Variants in RAB11FIP5 observed in about 807,000 individuals in gnomAD.
The protein encoded by RAB11FIP5 is rab11 family-interacting protein 5.
A neutral mutation model predicts 85.1 loss-of-function variants in RAB11FIP5; 48 were observed. That is an observed-to-expected ratio of 0.56 (90% CI 0.45 to 0.72). The LOEUF is 0.72. Among genes scored for constraint, RAB11FIP5 ranks in the 30% least tolerant of loss-of-function variants. RAB11FIP5 has a pLI of 0.00. For synonymous variants in RAB11FIP5, 729 were observed against 727.3 expected, an observed-to-expected ratio of 1.00 and a Z score of -0.04; for missense variants, 1,491 against 1,687.0, an observed-to-expected ratio of 0.88 and a Z score of 2.04.
Position 73,083,291 on chromosome 2 carries a change from C to T in RAB11FIP5, c.1569-1628G>A, listed in dbSNP as rs553647164. ...ACAGAGGTGGACTGAGGCAGGTCAG[C>T]TCGGCAGCTACCACCAGGGGCGGAC... On this transcript the variant is annotated intron_variant, in intron 3 of 5. Coordinates refer to ENST00000486777, the MANE Select transcript of RAB11FIP5 (RefSeq NM_001371272.1). Among the ~76,000 whole-genome samples the T allele has an allele frequency of 3.3e-5, 5 of 152,136 alleles. No individual in the cohort carries two copies. The South Asian group carries it at 1.0e-3, about 31-fold the overall frequency.
rs959507890 is a variant in RAB11FIP5, at chr2:73,075,049, C to T, written c.*472G>A. ...CCGTAACTCACAGACAAACAGGCAGCGTGGTCATTGTCCCAGTAATACTAG... is the reference window on the plus strand; with the variant it reads ...CCGTAACTCACAGACAAACAGGCAGTGTGGTCATTGTCCCAGTAATACTAG... On this transcript the variant is annotated 3_prime_UTR_variant, in exon 6 of 6. Coordinates refer to ENST00000486777, the MANE Select transcript of RAB11FIP5 (RefSeq NM_001371272.1). The surrounding 1 kb of genome is among the most constrained non-coding windows in gnomAD (Gnocchi z 4.6). The T allele has an allele frequency of 4.7e-5, 17 of 360,924 alleles. No homozygotes were observed. The highest frequency in any genetic ancestry group is 8.7e-5 in the Non-Finnish European group (16 of 183,190). 22.4% of individuals were successfully genotyped at this position (360,924 alleles called of 1,614,324 possible).
In RAB11FIP5 at chr2:73,081,628, G is replaced by T. The variant is rs1683987105; in HGVS notation, c.1604C>A (p.Ala535Asp). 1.5e-5 allele frequency: 18 copies of T among 1,229,364 alleles called. No individual in the cohort carries two copies. The highest frequency in any genetic ancestry group is 1.8e-5 in the Non-Finnish European group (18 of 985,286). 76.2% of individuals were successfully genotyped at this position (1,229,364 alleles called of 1,614,324 possible). A position where few individuals can be genotyped will look rare whatever the true frequency, so the allele number is the denominator to read the frequency against. The part of the protein sequence containing the change: ...DVSPQVESDP[A>D]ALPHHLPCSP... The stretch of plus-strand genomic sequence containing the variant: ...GCAGGGGAGGTGGTGAGGAAGAGCA[G>T]CTGGGTCAGATTCTACCTGAGGAGA... Residue 535 changes from alanine (A) to aspartate (D), a missense_variant, in exon 4 of 6, where the codon GCT (alanine) becomes GAT (aspartate). Physicochemically the swap from Ala to Asp is moderately radical, Grantham distance 126 (BLOSUM62 -2). This residue lies in a region of RAB11FIP5 where 1,211 missense variants were observed against 1,338.0 expected (regional missense o/e 0.91). Transcript: ENST00000486777. This position sits in a 1 kb window ranked among gnomAD's most constrained non-coding sequence, Gnocchi z 4.2.
chr2:73,112,763 C>A lies in RAB11FIP5; in HGVS notation c.15G>T (p.Arg5=). 3 of 1,464,394 alleles carry A rather than the reference C, an allele frequency of 2.0e-6. No individual in the cohort carries two copies. The highest frequency in any genetic ancestry group is 2.7e-5 in the East Asian group (1 of 36,940). The allele number at this position is 1,464,394 out of a possible 1,614,324, so 90.7% of individuals were successfully genotyped here. A position where few individuals can be genotyped will look rare whatever the true frequency, so the allele number is the denominator to read the frequency against. Residue 5 remains arginine (R), a synonymous_variant, in exon 1 of 6, where the codon CGG becomes CGT. Coordinates refer to ENST00000486777, the MANE Select transcript of RAB11FIP5 (RefSeq NM_001371272.1). Reference sequence around the variant, plus strand: ...AAGGCCCCGCCGCCGGCTCCGCGCCCCGCACCAGGGCCATGGCGGAGAAGC... The same window carrying A: ...AAGGCCCCGCCGCCGGCTCCGCGCCACGCACCAGGGCCATGGCGGAGAAGC... MALV[R]GAEPAAGPSR... is the part of the protein sequence containing the mutation.
rs961755536 is a variant in RAB11FIP5 at position 73,098,692 on chromosome 2, C to T, written c.432-9377G>A. Among the ~76,000 whole-genome samples, 3 of 152,252 alleles carry T rather than the reference C, an allele frequency of 2.0e-5. No individual in the cohort carries two copies. In the South Asian group the frequency reaches 6.2e-4, roughly 32 times the overall value. On this transcript the variant is annotated intron_variant, in intron 1 of 5. Coordinates refer to ENST00000486777, the MANE Select transcript of RAB11FIP5 (RefSeq NM_001371272.1). Reference sequence around the variant, plus strand: ...GCATCCAGGAACCCCCATGTCTCTGCCCAACCAAGGAATCCAGAATAAAGT... The same window carrying T: ...GCATCCAGGAACCCCCATGTCTCTGTCCAACCAAGGAATCCAGAATAAAGT...
chr2:73,098,851 G>A (rs913198401), intron 1 of RAB11FIP5, among the ~76,000 whole-genome samples: 2 of 152,122 alleles, frequency 1.3e-5, no homozygotes, highest in African/African-American at 4.8e-5. Context: ...TACAGAAGTA[G>A]TACCTATACG....
chr2:73,082,790 T>C (rs1397288600), intron 3 of RAB11FIP5, among the ~76,000 whole-genome samples: 2 of 152,196 alleles, frequency 1.3e-5, no homozygotes, highest in African/African-American at 4.8e-5. Flanking sequence ...CACTGGTGCT[T>C]ATCCACAGAG....
chr2:73,085,251 G>C (rs1684069617), intron 3 of RAB11FIP5, among the ~76,000 whole-genome samples: 2 of 152,160 alleles, frequency 1.3e-5, no homozygotes, highest in African/African-American at 4.8e-5. Context: ...GGTGCAGGGA[G>C]GCACTGCAGA....
At chr2:73,076,977 G>A (rs1683876067) in intron 4 of RAB11FIP5, among the ~76,000 whole-genome samples, 2 of 152,098 alleles carry the variant, frequency 1.3e-5, no homozygotes, top group African/African-American at 4.8e-5. Context: ...CTTCCTTTGG[G>A]CTGCTTGCCT....
At position 73,088,370 on chromosome 2, in the gene RAB11FIP5, C is replaced by T. The variant is rs771598578; in HGVS notation, c.1248G>A (p.Gly416=). 6.2e-7 allele frequency: 1 copy of T among 1,613,812 alleles called. No homozygotes were observed. The highest frequency in any genetic ancestry group is 2.2e-5 in the East Asian group (1 of 44,862). Residue 416 remains glycine, a synonymous_variant, in exon 3 of 6, where the codon GGG becomes GGA. Coordinates refer to ENST00000486777, the MANE Select transcript of RAB11FIP5 (RefSeq NM_001371272.1). ...LSAQAKVLAP[G]ASHPGEEEGA... is the part of the protein sequence containing the mutation. ...CCTCCTCCTCTCCAGGGTGGCTGGC[C>T]CCAGGGGCCAGGACTTTAGCCTGAG...
At position 73,080,502 on chromosome 2, in the gene RAB11FIP5, G is replaced by A; in HGVS notation, c.2730C>T (p.Pro910=). The change falls in exon 4 of 6, where the codon CCC becomes CCT. Residue 910 remains proline, a synonymous_variant. Transcript: ENST00000486777. ...CCTCCTCCTCCTCCTGGGATCTTGA[G>A]GGTGTGAAGAGGCGCGGTGGCTTGG... The part of the protein sequence containing the change: ...PPPKPPRLFT[P]SRSQEEEEEK... The A allele has an allele frequency of 1.6e-6, 2 of 1,233,196 alleles. No individual in the cohort carries two copies. Among genetic ancestry groups the A allele is most frequent in the Non-Finnish European group, 2.0e-6 (2 of 988,486 alleles). The allele number at this position is 1,233,196 out of a possible 1,614,324, so 76.4% of individuals were successfully genotyped here. A position where few individuals can be genotyped will look rare whatever the true frequency, so the allele number is the denominator to read the frequency against.
intron 3 of RAB11FIP5, among the ~76,000 whole-genome samples, chr2:73,082,377 G>A (rs1684001733): frequency 6.6e-6 from 1 of 152,136 alleles, no homozygotes; most frequent in African/African-American, 2.4e-5. Context: ...GAAAGGCCAG[G>A]CCTAGGTATC....
At position 73,088,611 on chromosome 2, in the gene RAB11FIP5, A is replaced by G; in HGVS notation, c.1007T>C (p.Leu336Pro). The G allele has an allele frequency of 1.9e-6, 3 of 1,613,468 alleles. No individual in the cohort carries two copies. Among genetic ancestry groups the G allele is most frequent in the Non-Finnish European group, 2.5e-6 (3 of 1,180,032 alleles). ...GHLDAASRSS[L>P]CVNGSHIYNE... ...GTAAATGTGGCTCCCATTGACACAGAGCGAAGAGCGGGAGGCAGCATCCAG... is the reference window on the plus strand; with the variant it reads ...GTAAATGTGGCTCCCATTGACACAGGGCGAAGAGCGGGAGGCAGCATCCAG... The change falls in exon 3 of 6, where the codon CTC becomes CCC. Residue 336 changes from leucine (L) to proline (P), a missense_variant. Coordinates refer to ENST00000486777, the MANE Select transcript of RAB11FIP5 (RefSeq NM_001371272.1).
At position 73,087,568 on chromosome 2, in the gene RAB11FIP5, C is replaced by T. The variant is rs113710215; in HGVS notation, c.1568+482G>A. Among the ~76,000 whole-genome samples the T allele has an allele frequency of 7.9e-5, 12 of 152,212 alleles. 1 individual carries two copies. The highest frequency in any genetic ancestry group is 2.1e-4 in the South Asian group (1 of 4,820). Reference sequence around the variant, plus strand: ...GTGGTGGCTTCAGTTATTTGACTCCCGTCTCCCAGAGGGAAGTGATCACAG... The same window carrying T: ...GTGGTGGCTTCAGTTATTTGACTCCTGTCTCCCAGAGGGAAGTGATCACAG... On this transcript the variant is annotated intron_variant, in intron 3 of 5. Coordinates refer to ENST00000486777, the MANE Select transcript of RAB11FIP5 (RefSeq NM_001371272.1).
intron 1 of RAB11FIP5, among the ~76,000 whole-genome samples, chr2:73,110,955 C>T (rs1236472478): frequency 6.6e-5 from 10 of 152,022 alleles, no homozygotes; most frequent in Admixed American, 6.5e-4. Flanking sequence ...GAGCTTTTCG[C>T]CCCATATACC....
chr2:73,076,389 C>T (rs1683862299), intron 4 of RAB11FIP5, among the ~76,000 whole-genome samples: 1 of 152,030 alleles, frequency 6.6e-6, no homozygotes, highest in African/African-American at 2.4e-5. Flanking sequence ...CCCACCCCAC[C>T]ACCTGCTCCC....
intron 1 of RAB11FIP5, among the ~76,000 whole-genome samples, chr2:73,096,378 C>T (rs1684320096): frequency 6.6e-6 from 1 of 152,192 alleles, no homozygotes; most frequent in Non-Finnish European, 1.5e-5. Flanking sequence ...CATACCCATG[C>T]AAGTGCCAGG....
intron 1 of RAB11FIP5, among the ~76,000 whole-genome samples, chr2:73,108,096 G>A (rs924131858): frequency 5.9e-5 from 9 of 152,230 alleles, no homozygotes; most frequent in South Asian, 4.1e-4. Flanking sequence ...CCAGGCAGAA[G>A]GCTCTCATCT....
intron 3 of RAB11FIP5, among the ~76,000 whole-genome samples, chr2:73,083,316 C>A (rs767532446): frequency 4.6e-5 from 7 of 152,144 alleles, no homozygotes; most frequent in Non-Finnish European, 1.0e-4. Flanking sequence ...CAGGGGCGGA[C>A]CACAGGAAGG....
chr2:73,091,910 G>A (rs574046522), intron 1 of RAB11FIP5, among the ~76,000 whole-genome samples: 1 of 152,300 alleles, frequency 6.6e-6, no homozygotes, highest in East Asian at 1.9e-4. Flanking sequence ...CCACAGGCAG[G>A]GCGGACAGAG....
Sources: gnomAD v4.1 joint callset for allele counts (sites outside exome capture counted in the v4.1 genomes callset) on GRCh38, gnomAD v4.1.1 for gene constraint, gnomAD v4.1.1 regional missense constraint, Gnocchi (gnomAD v3.1) non-coding constraint, MANE v1.5 for transcripts, NCBI Gene and HGNC (gene_info 2026-07-23, HGNC 2026-07-21) for gene names.